The following CHRM3 variants were observed in gnomAD, a reference collection of about 807,000 sequenced individuals.
CHRM3 encodes the protein cholinergic receptor muscarinic 3.
A neutral mutation model predicts 41.8 loss-of-function variants in CHRM3; 11 were observed. That is an observed-to-expected ratio of 0.26 (90% confidence interval 0.17 to 0.44). The LOEUF is 0.44. Among genes scored for constraint, CHRM3 ranks in the 20% least tolerant of loss-of-function variants. CHRM3 has a pLI of 1.00. For synonymous variants in CHRM3, 297 were observed against 301.4 expected (o/e 0.99, Z 0.15); for missense variants, 571 against 745.4 (o/e 0.77, Z 2.72).
At chr1:239,741,699 A>C (rs986585517) in intron 5 of CHRM3, among the ~76,000 whole-genome samples, 2 of 152,136 alleles carry the variant, frequency 1.3e-5, no homozygotes, top group Non-Finnish European at 2.9e-5. Context: ...TTTTTTTATA[A>C]CATGCACCCA....
chr1:239,839,410 G>T (rs111916047), intron 6 of CHRM3, among the ~76,000 whole-genome samples: 1 of 152,204 alleles, frequency 6.6e-6, no homozygotes, highest in Non-Finnish European at 1.5e-5. Context: ...ACAGATCTCT[G>T]TTGGGCTTTT....
chr1:239,629,606 AT>A (rs1669565691), intron 3 of CHRM3: 1 of 152,250 alleles, frequency 6.6e-6, no homozygotes, highest in South Asian at 2.1e-4. Context: ...TAGTGTAAAC[AT>A]AACTTTTGTG....
At chr1:239,736,547 C>T (rs775377755) in intron 5 of CHRM3, among the ~76,000 whole-genome samples, 38 of 152,036 alleles carry the variant, frequency 2.5e-4, no homozygotes, top group Non-Finnish European at 4.4e-4. Context: ...GGGTTGATTT[C>T]AGGATGTATT....
intron 6 of CHRM3, among the ~76,000 whole-genome samples, chr1:239,830,608 G>T (rs1672820230): frequency 6.6e-6 from 1 of 152,210 alleles, no homozygotes; most frequent in South Asian, 2.1e-4. Context: ...GGAGGCTAAG[G>T]CAGGAGAATT....
chr1:239,490,455 T>C (rs549069933), intron 1 of CHRM3, among the ~76,000 whole-genome samples: 3 of 152,314 alleles, frequency 2.0e-5, no homozygotes, highest in Admixed American at 1.3e-4. Flanking sequence ...CTGTTAGAAG[T>C]AGAGGCTTCT....
At chr1:239,665,450 T>C (rs1673685528) in intron 4 of CHRM3, among the ~76,000 whole-genome samples, 1 of 152,170 alleles carries the variant, frequency 6.6e-6, no homozygotes, top group Non-Finnish European at 1.5e-5. Flanking sequence ...TGGAAGCTAT[T>C]TTTTTCCTGA....
At chr1:239,417,441 AG>A (rs1661576944) in intron 1 of CHRM3, among the ~76,000 whole-genome samples, 1 of 152,176 alleles carries the variant, frequency 6.6e-6, no homozygotes, top group African/African-American at 2.4e-5. Context: ...AGATTGTCAT[AG>A]AAGCTGAGGA....
At chr1:239,572,241 G>T (rs532227584) in intron 3 of CHRM3, among the ~76,000 whole-genome samples, 1 of 152,290 alleles carries the variant, frequency 6.6e-6, no homozygotes, top group South Asian at 2.1e-4. Context: ...GCCCAGGACA[G>T]CCCCAGTGAC....
chr1:239,664,073 G>T (rs1426907571), intron 4 of CHRM3, among the ~76,000 whole-genome samples: 1 of 152,126 alleles, frequency 6.6e-6, no homozygotes, highest in African/African-American at 2.4e-5. Context: ...TTTTCGTGAA[G>T]AATTAAAAGC....
In CHRM3 at chr1:239,909,446, T is replaced by G; in HGVS notation, c.*222T>G. On this transcript the variant is annotated 3_prime_UTR_variant, in exon 7 of 7. Coordinates refer to ENST00000676153, the MANE Select transcript of CHRM3 (RefSeq NM_001375978.1). ...GAAAAAAAAAACATACTACTGAATA[T>G]AAAGAAATTTATTCTGAAATAGACT... The G allele has an allele frequency of 2.2e-6, 1 of 460,024 alleles. No homozygotes were observed. Among genetic ancestry groups the G allele is most frequent in the South Asian group, 5.1e-5 (1 of 19,506 alleles). The allele number at this position is 460,024 out of a possible 1,614,324, so 28.5% of individuals were successfully genotyped here. A position where few individuals can be genotyped will look rare whatever the true frequency, so the allele number is the denominator to read the frequency against.
intron 6 of CHRM3, among the ~76,000 whole-genome samples, chr1:239,840,769 A>G (rs926726162): frequency 1.6e-4 from 24 of 152,336 alleles, no homozygotes; most frequent in African/African-American, 5.3e-4. Flanking sequence ...ATTGTCAGTT[A>G]ACATAAGAAA....
chr1:239,809,577 A>C (rs1273816508), intron 5 of CHRM3, among the ~76,000 whole-genome samples: 1 of 151,978 alleles, frequency 6.6e-6, no homozygotes, highest in Non-Finnish European at 1.5e-5. Flanking sequence ...AGCTCACTAC[A>C]GCCTCAACTT....
At chr1:239,688,037 AC>A (rs1659316905) in intron 5 of CHRM3, among the ~76,000 whole-genome samples, 1 of 152,014 alleles carries the variant, frequency 6.6e-6, no homozygotes, top group Non-Finnish European at 1.5e-5. Flanking sequence ...CTGATGCTTC[AC>A]ATTAATACAC....
chr1:239,769,880 C>CA (rs879934676), intron 5 of CHRM3, among the ~76,000 whole-genome samples: 2,619 of 136,466 alleles, frequency 0.019, 85 homozygotes, highest in Admixed American at 0.085. Flanking sequence ...GACTCTGTCT[C>CA]AAAAAAAAAA....
intron 5 of CHRM3, among the ~76,000 whole-genome samples, chr1:239,740,634 G>A (rs543136184): frequency 5.9e-4 from 89 of 152,064 alleles, no homozygotes; most frequent in Non-Finnish European, 1.1e-3. Context: ...CTCACCCCCT[G>A]ACAGGCCCAA....
rs1680347913 is a variant in CHRM3 at position 239,911,204 on chromosome 1, T to C, written c.*1980T>C. ...AAAACCACTCTTTAGTTAAATCTGA[T>C]GGGAACTGAACAAAGCTCCACCATT... On this transcript the variant is annotated 3_prime_UTR_variant, in exon 7 of 7. Transcript: ENST00000676153. 6.0e-6 allele frequency: 1 copy of C among 166,648 alleles called. No individual in the cohort carries two copies. Among genetic ancestry groups the C allele is most frequent in the African/African-American group, 2.4e-5 (1 of 41,272 alleles). The allele number at this position is 166,648 out of a possible 1,614,324, so 10.3% of individuals were successfully genotyped here. A position where few individuals can be genotyped will look rare whatever the true frequency, so the allele number is the denominator to read the frequency against.
intron 5 of CHRM3, among the ~76,000 whole-genome samples, chr1:239,825,163 A>G (rs544423635): frequency 1.4e-4 from 22 of 152,294 alleles, no homozygotes; most frequent in African/African-American, 3.6e-4. Context: ...GCTTCATTGT[A>G]GTGATTGCTC....
chr1:239,713,944 C>A (rs1005738194), intron 5 of CHRM3, among the ~76,000 whole-genome samples: 3 of 152,116 alleles, frequency 2.0e-5, no homozygotes, highest in Non-Finnish European at 4.4e-5. Context: ...GTTCTTTAAA[C>A]CAGACATGAT....
In CHRM3 at chr1:239,755,796, A is replaced by C. The variant is rs535433673; in HGVS notation, c.-146-71456A>C. Among the ~76,000 whole-genome samples the C allele has an allele frequency of 1.3e-4, 20 of 152,270 alleles. No homozygotes were observed. The South Asian group carries it at 3.9e-3, about 30-fold the overall frequency. ...GCCAGAGTGGTTTGCAGCACATTTT[A>C]CAAGCTTCCTCTCAAATTTGGGAAT... On this transcript the variant is annotated intron_variant, in intron 5 of 6. Coordinates refer to ENST00000676153, the MANE Select transcript of CHRM3 (RefSeq NM_001375978.1).
Sources: allele counts gnomAD v4.1 joint callset (sites outside exome capture counted in the v4.1 genomes callset), GRCh38; gene constraint gnomAD v4.1.1; transcripts MANE v1.5; gene names NCBI Gene and HGNC (gene_info 2026-07-23, HGNC 2026-07-21).